Variants in BRF1 observed in about 807,000 individuals in gnomAD.
BRF1 encodes the protein transcription factor IIIB 90 kDa subunit.
In BRF1, 59 loss-of-function variants were observed where a neutral mutation model predicts 81.7. That is an observed-to-expected ratio of 0.72 (90% CI 0.59 to 0.90). The LOEUF (loss-of-function observed/expected upper bound fraction) is 0.90, where lower values mean the gene tolerates loss of function less well. Among genes scored for constraint, BRF1 ranks in the 40% least tolerant of loss-of-function variants. The pLI is 0.00. For synonymous variants in BRF1, 491 were observed against 395.6 expected (o/e 1.24, Z -2.86); for missense variants, 1,050 against 936.3 (o/e 1.12, Z -1.58).
chr14:105,270,114 G>T (rs1356489114), intron 3 of BRF1, among the ~76,000 whole-genome samples: 1 of 152,096 alleles, frequency 6.6e-6, no homozygotes, highest in African/African-American at 2.4e-5. Flanking sequence ...GTCCCTAAAG[G>T]CACACGTGTG....
intron 17 of BRF1, 106 bp downstream of exon 17, chr14:105,211,016 A>G: frequency 6.6e-7 from 1 of 1,506,196 alleles, no homozygotes; most frequent in Admixed American, 2.2e-5. Flanking sequence ...AGGGAGAAAC[A>G]GAAATTTAGT....
intron 15 of BRF1, chr14:105,213,487 T>G (rs1338642543): frequency 6.6e-6 from 1 of 151,840 alleles, no homozygotes; most frequent in Non-Finnish European, 1.5e-5. Context: ...CTCGGCCCAC[T>G]GCAACCTCTG....
intron 14 of BRF1, 49 bp from the exon 15 acceptor site, chr14:105,217,849 C>T (rs1188553244): frequency 1.9e-6 from 3 of 1,592,320 alleles, no homozygotes; most frequent in Non-Finnish European, 2.6e-6. Flanking sequence ...GCCCACTGCA[C>T]TCCACCATCA....
intron 3 of BRF1, among the ~76,000 whole-genome samples, chr14:105,258,600 C>A (rs2056002396): frequency 1.3e-5 from 2 of 151,710 alleles, no homozygotes; most frequent in Non-Finnish European, 2.9e-5. Flanking sequence ...GAGTTTGAGA[C>A]CAGCCTGGCC....
Position 105,226,628 on chromosome 14 carries a change from C to A in BRF1, c.915+6G>T, listed in dbSNP as rs752284976. The A allele has an allele frequency of 6.2e-7, 1 of 1,612,842 alleles. No homozygotes were observed. On this transcript the variant is annotated splice_donor_region_variant and intron_variant, in intron 8 of 17. Transcript: ENST00000547530. ...CAGCACAGACAGACACCAAAGCCGG[C>A]GCTACCTGCTTCATCCGCAGCTTCC...
At chr14:105,222,941 T>C (rs773626227) in intron 10 of BRF1, among the ~76,000 whole-genome samples, 33 of 152,166 alleles carry the variant, frequency 2.2e-4, no homozygotes, top group Admixed American at 2.2e-3. Context: ...AACCTGATCA[T>C]TTCTTAAAGA....
At chr14:105,292,645 G>A (rs1427293444) in intron 1 of BRF1, among the ~76,000 whole-genome samples, 1 of 152,186 alleles carries the variant, frequency 6.6e-6, no homozygotes, top group Non-Finnish European at 1.5e-5. Context: ...ATCCCTGAGA[G>A]CTGGGGACGG....
intron 3 of BRF1, among the ~76,000 whole-genome samples, chr14:105,272,451 C>T (rs1022938301): frequency 6.6e-6 from 1 of 152,198 alleles, no homozygotes; most frequent in Admixed American, 6.5e-5. Flanking sequence ...GAATCCAGGG[C>T]ATGATTCTCA....
intron 11 of BRF1, among the ~76,000 whole-genome samples, chr14:105,220,456 C>T (rs778874319): frequency 6.6e-6 from 1 of 152,138 alleles, no homozygotes; most frequent in African/African-American, 2.4e-5. Context: ...AGGGAGGGCA[C>T]GGAAGCTGGG....
chr14:105,217,914 A>C (rs1037714959), intron 14 of BRF1, 114 bp from the exon 15 acceptor site: 14 of 1,479,724 alleles, frequency 9.5e-6, no homozygotes, highest in Admixed American at 7.8e-5. Flanking sequence ...TCAGGCCCTC[A>C]GAAGGGCCGC....
At chr14:105,228,515 G>T (rs1244790883) in intron 7 of BRF1, among the ~76,000 whole-genome samples, 1 of 150,446 alleles carries the variant, frequency 6.6e-6, no homozygotes, top group Non-Finnish European at 1.5e-5. Flanking sequence ...TTGCACTCCA[G>T]CCTAAGCGAC....
intron 1 of BRF1, among the ~76,000 whole-genome samples, chr14:105,289,257 C>G (rs1329079703): frequency 6.6e-6 from 1 of 151,978 alleles, no homozygotes; most frequent in Non-Finnish European, 1.5e-5. Flanking sequence ...GCAGGCAGAT[C>G]GTTTGAGTCC....
At chr14:105,291,729 G>A (rs772591995) in intron 1 of BRF1, among the ~76,000 whole-genome samples, 7 of 152,122 alleles carry the variant, frequency 4.6e-5, no homozygotes, top group African/African-American at 1.7e-4. Flanking sequence ...CGGGCGTGGT[G>A]GCTCACGCCT....
chr14:105,249,476 A>T, intron 5 of BRF1: 1 of 1,613,390 alleles, frequency 6.2e-7, no homozygotes, highest in Non-Finnish European at 8.5e-7. Flanking sequence ...TGATCCTCTT[A>T]AAGTAAGTCC....
At chr14:105,215,293 G>A (rs1287908241) in intron 15 of BRF1, among the ~76,000 whole-genome samples, 2 of 151,852 alleles carry the variant, frequency 1.3e-5, no homozygotes, top group South Asian at 2.1e-4. Flanking sequence ...TAGAGACAAA[G>A]ACCTGCACAC....
intron 12 of BRF1, 162 bp downstream of exon 12, chr14:105,219,907 G>C (rs1245717885): frequency 2.7e-6 from 2 of 737,420 alleles, no homozygotes; most frequent in Non-Finnish European, 4.4e-6. Flanking sequence ...AGTGTGGGGG[G>C]GGGTCCCGGG....
chr14:105,311,669 C>G (rs1038131959), intron 1 of BRF1, among the ~76,000 whole-genome samples: 2 of 152,190 alleles, frequency 1.3e-5, no homozygotes, highest in Non-Finnish European at 2.9e-5. Context: ...GATTCCAGGC[C>G]TCACTCTCAG....
chr14:105,300,697 G>T lies in BRF1; in HGVS notation c.-68C>A, dbSNP rs1172469009. The stretch of plus-strand genomic sequence containing the variant: ...TCAAGCCACCCGAGCCTCCGGAGCA[G>T]CCCGCGCCGCCCGCCCAGGCCCAGC... On this transcript the variant is annotated 5_prime_UTR_variant, in exon 1 of 18. The change creates a new upstream start codon in the 5' untranslated region. Transcript: ENST00000547530. 2.5e-6 allele frequency: 3 copies of T among 1,177,310 alleles called. No individual in the cohort carries two copies. The highest frequency in any genetic ancestry group is 4.4e-5 in the Admixed American group (1 of 22,804). The allele number at this position is 1,177,310 out of a possible 1,614,324, so 72.9% of individuals were successfully genotyped here. A position where few individuals can be genotyped will look rare whatever the true frequency, so the allele number is the denominator to read the frequency against.
chr14:105,288,690 G>A (rs1257579736), intron 1 of BRF1, among the ~76,000 whole-genome samples: 1 of 147,286 alleles, frequency 6.8e-6, no homozygotes, highest in Non-Finnish European at 1.5e-5. Flanking sequence ...CTGGAGTGCA[G>A]TGGCGTGATC....
Sources: allele counts gnomAD v4.1 joint callset (sites outside exome capture counted in the v4.1 genomes callset), GRCh38; gene constraint gnomAD v4.1.1; transcripts MANE v1.5; gene names NCBI Gene and HGNC (gene_info 2026-07-23, HGNC 2026-07-21).